VAT1L: variants seen among roughly 807,000 people sequenced by gnomAD.
VAT1L encodes the protein putative NADPH-dependent quinone oxidoreductase VAT1L.
VAT1L carries 34 observed loss-of-function variants against 44.1 expected under a neutral mutation model. The observed-to-expected ratio is 0.77, with a 90% CI of 0.59 to 1.03. The LOEUF is 1.03. Among genes scored for constraint, VAT1L ranks in the 50% least tolerant of loss-of-function variants. VAT1L has a pLI of 0.00. For synonymous variants in VAT1L, 253 were observed against 202.2 expected, an observed-to-expected ratio of 1.25 and a Z score of -2.13; for missense variants, 615 against 538.8, an observed-to-expected ratio of 1.14 and a Z score of -1.40.
In VAT1L at chr16:77,923,868, C is replaced by T. The variant is rs539945003; in HGVS notation, c.1077+39066C>T. Reference sequence around the variant, plus strand: ...TCATATGAGCTTAGCAGCCGACACACTGGTGTGTACAGGACCCATTTGTCA... The same window carrying T: ...TCATATGAGCTTAGCAGCCGACACATTGGTGTGTACAGGACCCATTTGTCA... On this transcript the variant is annotated intron_variant, in intron 7 of 8. Transcript: ENST00000302536. 3.9e-5 allele frequency among the ~76,000 whole-genome samples: 6 copies of T among 152,324 alleles called. No homozygotes were observed. The South Asian group carries it at 1.2e-3, about 32-fold the overall frequency.
chr16:77,878,518 A>C (rs1324753011), intron 5 of VAT1L, among the ~76,000 whole-genome samples: 1 of 151,252 alleles, frequency 6.6e-6, no homozygotes, highest in East Asian at 2.0e-4. Context: ...TGAGAATCTT[A>C]GGGAATCTTT....
chr16:77,849,809 G>A (rs534724659), intron 3 of VAT1L, among the ~76,000 whole-genome samples: 102 of 152,312 alleles, frequency 6.7e-4, no homozygotes, highest in African/African-American at 2.3e-3. Flanking sequence ...TTCCAGCTGT[G>A]ATGGGTCCTG....
intron 7 of VAT1L, among the ~76,000 whole-genome samples, chr16:77,910,771 C>T (rs1010968544): frequency 6.6e-6 from 1 of 151,876 alleles, no homozygotes; most frequent in South Asian, 2.1e-4. Context: ...TTAAAGAAAT[C>T]TCCTTGACAT....
intron 7 of VAT1L, among the ~76,000 whole-genome samples, chr16:77,953,493 G>T (rs2018067639): frequency 6.6e-6 from 1 of 151,976 alleles, no homozygotes; most frequent in South Asian, 2.1e-4. Flanking sequence ...TTTATTTCTG[G>T]ACTTTTTTTC....
At chr16:77,797,665 C>T (rs910753639) in intron 1 of VAT1L, among the ~76,000 whole-genome samples, 1 of 152,176 alleles carries the variant, frequency 6.6e-6, no homozygotes, top group African/African-American at 2.4e-5. Context: ...ATGCTTTGGA[C>T]ACATCACTGA....
intron 3 of VAT1L, among the ~76,000 whole-genome samples, chr16:77,834,053 A>G (rs980451307): frequency 3.9e-5 from 6 of 152,212 alleles, no homozygotes; most frequent in Admixed American, 3.9e-4. Context: ...ACTTGCAACC[A>G]GAATGGTTCT....
intron 7 of VAT1L, among the ~76,000 whole-genome samples, chr16:77,944,290 TG>T (rs2017932136): frequency 6.6e-6 from 1 of 152,180 alleles, no homozygotes. Flanking sequence ...TTTACTCTAC[TG>T]GAATACTAGA....
intron 4 of VAT1L, among the ~76,000 whole-genome samples, chr16:77,876,012 A>C (rs11863454): frequency 0.15 from 23,274 of 152,156 alleles, 2,358 homozygotes; most frequent in African/African-American, 0.27. Flanking sequence ...CATTCTTACC[A>C]CAAAGAAACA....
chr16:77,918,101 G>A (rs2017569954), intron 7 of VAT1L, among the ~76,000 whole-genome samples: 1 of 152,152 alleles, frequency 6.6e-6, no homozygotes, highest in African/African-American at 2.4e-5. Context: ...TGTGTGAATG[G>A]GGAGGTGTCG....
chr16:77,887,584 G>T (rs1383170980), intron 7 of VAT1L, among the ~76,000 whole-genome samples: 1 of 152,164 alleles, frequency 6.6e-6, no homozygotes, highest in Non-Finnish European at 1.5e-5. Context: ...AGTGCTGGGG[G>T]AAATGGTGCT....
At chr16:77,796,339 G>T (rs2015933572) in intron 1 of VAT1L, among the ~76,000 whole-genome samples, 1 of 152,142 alleles carries the variant, frequency 6.6e-6, no homozygotes, top group Non-Finnish European at 1.5e-5. Flanking sequence ...CAGCATCTTT[G>T]CAGTGACAAA....
At chr16:77,960,731 A>G (rs1245286813) in intron 7 of VAT1L, among the ~76,000 whole-genome samples, 1 of 152,086 alleles carries the variant, frequency 6.6e-6, no homozygotes, top group Non-Finnish European at 1.5e-5. Context: ...CCCCCTATTG[A>G]TAACCAAGAC....
intron 7 of VAT1L, among the ~76,000 whole-genome samples, chr16:77,910,688 A>G (rs560080499): frequency 4.1e-4 from 62 of 151,008 alleles, no homozygotes; most frequent in African/African-American, 1.5e-3. Context: ...AAAAAAAAAA[A>G]AAAAAGAAAG....
rs531187559 is a variant in VAT1L, at chr16:77,817,204, A to T, written c.363+154A>T. ...CTGTTGACAATGTTTATAGTCATTA[A>T]GGTCTCATGCCTTTTTTATAGACTA... is the stretch of plus-strand genomic sequence containing the variant. On this transcript the variant is annotated intron_variant, in intron 2 of 8. Transcript: ENST00000302536. Among the ~76,000 whole-genome samples, 90 of 152,328 alleles carry T rather than the reference A, an allele frequency of 5.9e-4. 1 individual carries two copies. The highest frequency in any genetic ancestry group is 2.1e-3 in the African/African-American group (89 of 41,576).
intron 7 of VAT1L, among the ~76,000 whole-genome samples, chr16:77,930,388 C>G (rs2017716092): frequency 6.6e-6 from 1 of 152,162 alleles, no homozygotes; most frequent in Admixed American, 6.6e-5. Flanking sequence ...ATCCATTGAT[C>G]CTATCTCTTA....
chr16:77,888,815 G>A (rs938290368), intron 7 of VAT1L, among the ~76,000 whole-genome samples: 1 of 152,176 alleles, frequency 6.6e-6, no homozygotes, highest in Non-Finnish European at 1.5e-5. Context: ...AAGCCACGAT[G>A]GCAAAGACAG....
At chr16:77,878,066 A>G (rs553642975) in intron 5 of VAT1L, among the ~76,000 whole-genome samples, 1 of 152,328 alleles carries the variant, frequency 6.6e-6, no homozygotes, top group African/African-American at 2.4e-5. Flanking sequence ...GTGAAATTCA[A>G]CTTGATTAAT....
intron 7 of VAT1L, among the ~76,000 whole-genome samples, chr16:77,899,722 G>C (rs556649866): frequency 6.6e-6 from 1 of 152,322 alleles, no homozygotes; most frequent in East Asian, 1.9e-4. Flanking sequence ...CCATGACCAG[G>C]AGCTGAAAAC....
intron 7 of VAT1L, among the ~76,000 whole-genome samples, chr16:77,924,489 C>G (rs1246950576): frequency 6.6e-6 from 1 of 152,116 alleles, no homozygotes; most frequent in East Asian, 1.9e-4. Context: ...GAGACAGAGT[C>G]TTGCTCTGTC....
Sources: allele counts gnomAD v4.1 joint callset (sites outside exome capture counted in the v4.1 genomes callset), GRCh38; gene constraint gnomAD v4.1.1; transcripts MANE v1.5; gene names NCBI Gene and HGNC (gene_info 2026-07-23, HGNC 2026-07-21).